The following YEATS2 variants were observed in gnomAD, a reference collection of about 807,000 sequenced individuals.
YEATS2 encodes YEATS domain containing 2, also known as YEATS domain-containing protein 2.
YEATS2 carries 77 observed loss-of-function variants against 163.2 expected under a neutral mutation model. That is an observed-to-expected ratio of 0.47 (90% CI 0.39 to 0.57). The LOEUF (loss-of-function observed/expected upper bound fraction) is 0.57. YEATS2 is among the 20% of genes least tolerant of loss of function. The pLI, the probability that YEATS2 is intolerant of heterozygous loss-of-function variation, is 0.00. For synonymous variants in YEATS2, 631 were observed against 645.1 expected, an observed-to-expected ratio of 0.98 and a Z score of 0.33; for missense variants, 1,549 against 1,729.8, an observed-to-expected ratio of 0.90 and a Z score of 1.85.
chr3:183,800,487 C>G lies in YEATS2; in HGVS notation c.3347C>G (p.Pro1116Arg), dbSNP rs761572820. ...VAKVKTEPETPGPSCLSQEGQ... is the reference protein window; with the variant it reads ...VAKVKTEPETRGPSCLSQEGQ... The stretch of plus-strand genomic sequence containing the variant: ...GTAGTGAAGACTGAACCAGAAACAC[C>G]TGGACCGAGTTGCCTCTCTCAGGAG... Residue 1116 changes from proline (P) to arginine (R), a missense_variant, in exon 24 of 31, where the codon CCT becomes CGT. By Grantham distance (103) the Pro-to-Arg change is moderately radical. Coordinates refer to ENST00000305135, the MANE Select transcript of YEATS2 (RefSeq NM_018023.5). 1.2e-6 allele frequency: 2 copies of G among 1,614,130 alleles called. No homozygotes were observed. Among genetic ancestry groups the G allele is most frequent in the African/African-American group, 1.3e-5 (1 of 75,064 alleles).
intron 19 of YEATS2, among the ~76,000 whole-genome samples, chr3:183,785,361 G>C (rs547359733): frequency 1.3e-5 from 2 of 150,696 alleles, no homozygotes; most frequent in East Asian, 4.1e-4. Flanking sequence ...GGTGGCACGT[G>C]CCTGTAAGTC....
At chr3:183,779,131 G>A (rs182636806) in intron 19 of YEATS2, among the ~76,000 whole-genome samples, 1 of 151,668 alleles carries the variant, frequency 6.6e-6, no homozygotes, top group Non-Finnish European at 1.5e-5. Flanking sequence ...GGCTGGTCTC[G>A]AACTCCTGAC....
At chr3:183,809,425 T>A (rs1437021116) in intron 30 of YEATS2, 3 of 355,348 alleles carry the variant, frequency 8.4e-6, no homozygotes, top group Non-Finnish European at 1.5e-5. Context: ...GACTCTGTTT[T>A]ATTACAGGGT....
chr3:183,790,680 A>T (rs1724535997), intron 20 of YEATS2, 117 bp from the exon 21 acceptor site: 3 of 1,056,950 alleles, frequency 2.8e-6, no homozygotes, highest in Non-Finnish European at 4.1e-6. Flanking sequence ...TTTACTAAGT[A>T]GTCATTAACA....
intron 27 of YEATS2, among the ~76,000 whole-genome samples, chr3:183,805,643 G>T (rs1266585241): frequency 6.6e-6 from 1 of 151,940 alleles, no homozygotes; most frequent in Admixed American, 6.6e-5. Context: ...GCAAAAATTA[G>T]CCGGGCATGG....
At chr3:183,780,935 T>TGTGC (rs1272028372) in intron 19 of YEATS2, among the ~76,000 whole-genome samples, 1 of 152,154 alleles carries the variant, frequency 6.6e-6, no homozygotes, top group African/African-American at 2.4e-5. Context: ...TAGCATCCAA[T>TGTGC]GTGCTTCATT....
chr3:183,768,865 A>G (rs1319793250), intron 15 of YEATS2, among the ~76,000 whole-genome samples: 1 of 152,162 alleles, frequency 6.6e-6, no homozygotes, highest in Non-Finnish European at 1.5e-5. Flanking sequence ...CCAGCTACTC[A>G]GGAGGCAAAG....
rs1456162915 is a variant in YEATS2 at position 183,810,837 on chromosome 3, C to T, written c.*254C>T. ...CGTGCTTTGTCGGCCAGCGTTTCTGCAGTCTTTGTAAAGGCCCCACGAGAG... is the reference window on the plus strand; with the variant it reads ...CGTGCTTTGTCGGCCAGCGTTTCTGTAGTCTTTGTAAAGGCCCCACGAGAG... On this transcript the variant is annotated 3_prime_UTR_variant, in exon 31 of 31. Transcript: ENST00000305135. The T allele has an allele frequency of 6.4e-6, 3 of 472,098 alleles. No individual in the cohort carries two copies. Among genetic ancestry groups the T allele is most frequent in the East Asian group, 4.0e-5 (1 of 24,808 alleles). The allele number at this position is 472,098 out of a possible 1,614,324, so 29.2% of individuals were successfully genotyped here.
chr3:183,747,628 T>C, intron 8 of YEATS2, 44 bp from the exon 9 acceptor site: 1 of 1,547,936 alleles, frequency 6.5e-7, no homozygotes, highest in Non-Finnish European at 8.9e-7. Context: ...AATATGTAAG[T>C]AAGTGCAGTG....
intron 15 of YEATS2, among the ~76,000 whole-genome samples, chr3:183,771,208 C>T (rs1722423894): frequency 6.6e-6 from 1 of 152,126 alleles, no homozygotes; most frequent in Admixed American, 6.6e-5. Flanking sequence ...CTCTTTTTCC[C>T]CCAATCTGAT....
intron 2 of YEATS2, 98 bp downstream of exon 2, chr3:183,715,360 A>G (rs1715735029): frequency 3.3e-6 from 3 of 903,914 alleles, no homozygotes; most frequent in Admixed American, 4.4e-5. Flanking sequence ...ACTGTTATGT[A>G]TAATTTGAAG....
In YEATS2 at chr3:183,803,458, A is replaced by G. The variant is rs983646710; in HGVS notation, c.3582+123A>G. On this transcript the variant is annotated intron_variant, in intron 26 of 30. Coordinates refer to ENST00000305135, the MANE Select transcript of YEATS2 (RefSeq NM_018023.5). ...GCAGAATATTTTCCTCAGTTAAAAA[A>G]AATCTCATTTTTCAAAGACCTGTAT... 2.4e-5 allele frequency: 25 copies of G among 1,034,402 alleles called. No individual in the cohort carries two copies. The African/African-American group carries it at 3.9e-4, about 16-fold the overall frequency. 64.1% of individuals were successfully genotyped at this position (1,034,402 alleles called of 1,614,324 possible).
chr3:183,766,125 G>A (rs893316503), intron 15 of YEATS2, among the ~76,000 whole-genome samples: 1 of 152,166 alleles, frequency 6.6e-6, no homozygotes, highest in Non-Finnish European at 1.5e-5. Context: ...ATATGGGAAG[G>A]AAGCAGTGTG....
rs758874143 is a variant in YEATS2 at position 183,798,950 on chromosome 3, C to T, written c.3286C>T (p.Pro1096Ser). The change falls in exon 23 of 31, where the codon CCA becomes TCA. Residue 1096 changes from proline (P) to serine (S), a missense_variant. Pro to Ser is a moderately conservative substitution (Grantham distance 74). Transcript: ENST00000305135. ...PAILPVAAPT[P>S]VVPSSAPAAV... ...CATTCTGCCTGTAGCTGCCCCAACT[C>T]CAGTTGTCCCCAGCTCTGCTCCAGC... The T allele has an allele frequency of 1.2e-6, 2 of 1,614,092 alleles. No individual in the cohort carries two copies. The highest frequency in any genetic ancestry group is 1.3e-5 in the African/African-American group (1 of 74,940).
intron 8 of YEATS2, 143 bp downstream of exon 8, chr3:183,736,972 A>C (rs1389314631): frequency 3.3e-6 from 2 of 611,292 alleles, no homozygotes; most frequent in South Asian, 2.3e-5. Context: ...CTTAACTATT[A>C]ATAGCCTACT....
In YEATS2 at chr3:183,715,475, T is replaced by A. The variant is rs372516660; in HGVS notation, c.100+213T>A. Among the ~76,000 whole-genome samples the A allele has an allele frequency of 6.6e-5, 10 of 152,240 alleles. No homozygotes were observed. The South Asian group carries it at 1.0e-3, about 16-fold the overall frequency. The stretch of plus-strand genomic sequence containing the variant: ...GGCAGGAACATGATCAAGCAGACAG[T>A]GAAAGCGAGACAAACTGTGAGTTTT... On this transcript the variant is annotated intron_variant, in intron 2 of 30. Coordinates refer to ENST00000305135, the MANE Select transcript of YEATS2 (RefSeq NM_018023.5).
At chr3:183,738,526 A>G (rs1415708903) in intron 8 of YEATS2, among the ~76,000 whole-genome samples, 2 of 134,658 alleles carry the variant, frequency 1.5e-5, no homozygotes, top group Non-Finnish European at 3.1e-5. Flanking sequence ...AGCCTTAGGT[A>G]TATCTCCCAA....
intron 1 of YEATS2, among the ~76,000 whole-genome samples, chr3:183,701,467 G>T (rs1714088035): frequency 6.6e-6 from 1 of 152,030 alleles, no homozygotes; most frequent in Non-Finnish European, 1.5e-5. Context: ...GGTCATTGCA[G>T]CCTTGAACTC....
chr3:183,729,048 G>A (rs1034722417), intron 7 of YEATS2, among the ~76,000 whole-genome samples, 197 bp downstream of exon 7: 10 of 152,126 alleles, frequency 6.6e-5, no homozygotes, highest in African/African-American at 1.9e-4. Context: ...CAAGGCAGGC[G>A]GATCATGAGG....
Sources: gnomAD v4.1 joint callset for allele counts (sites outside exome capture counted in the v4.1 genomes callset) on GRCh38, gnomAD v4.1.1 for gene constraint, MANE v1.5 for transcripts, NCBI Gene and HGNC (gene_info 2026-07-23, HGNC 2026-07-21) for gene names.